ATP2B1: variants seen among roughly 807,000 people sequenced by gnomAD.
ATP2B1 encodes the protein ATPase plasma membrane Ca2+ transporting 1.
Under a neutral mutation model 124.2 loss-of-function variants are expected in ATP2B1, and 14 were observed. The ratio of observed to expected loss-of-function variants is 0.11; its 90% CI spans 0.07 to 0.18. ATP2B1 has a LOEUF of 0.18. Among genes scored for constraint, ATP2B1 ranks in the 10% least tolerant of loss-of-function variants. The pLI is 1.00. For missense variants in ATP2B1, 763 were observed against 1,466.1 expected, an observed-to-expected ratio of 0.52 and a Z score of 7.83; for synonymous variants, 449 against 492.4, an observed-to-expected ratio of 0.91 and a Z score of 1.17.
intron 20 of ATP2B1, among the ~76,000 whole-genome samples, chr12:89,595,819 C>G (rs1874473827): frequency 6.6e-6 from 1 of 152,020 alleles, no homozygotes; most frequent in South Asian, 2.1e-4. Context: ...GATTTACTCC[C>G]TGGATAACTC....
At chr12:89,674,100 G>A (rs961572768) in intron 1 of ATP2B1, among the ~76,000 whole-genome samples, 1 of 152,114 alleles carries the variant, frequency 6.6e-6, no homozygotes, top group Non-Finnish European at 1.5e-5. Flanking sequence ...TTATCTGCAT[G>A]GTAGGTGTTG....
chr12:89,690,650 GCTTT>G (rs769947334), intron 1 of ATP2B1, among the ~76,000 whole-genome samples: 14 of 150,994 alleles, frequency 9.3e-5, no homozygotes, highest in Non-Finnish European at 1.9e-4. Flanking sequence ...TGACATGAAT[GCTTT>G]CTAAGATCTT....
At chr12:89,656,187 C>T (rs1885931924) in intron 1 of ATP2B1, 80 bp from the exon 2 acceptor site, 7 of 400,596 alleles carry the variant, frequency 1.7e-5, no homozygotes, top group Non-Finnish European at 2.6e-5. Flanking sequence ...CTAAATGTCA[C>T]CAGGTAGCTA....
intron 1 of ATP2B1, among the ~76,000 whole-genome samples, chr12:89,708,350 C>T (rs1349236090): frequency 6.6e-6 from 1 of 152,196 alleles, no homozygotes; most frequent in Middle Eastern, 3.2e-3. Context: ...CAGCGACTCC[C>T]AGACTGACCC....
intron 6 of ATP2B1, among the ~76,000 whole-genome samples, chr12:89,628,085 G>A (rs1456036403): frequency 6.6e-6 from 1 of 152,048 alleles, no homozygotes; most frequent in African/African-American, 2.4e-5. Context: ...GGGGTAGAGA[G>A]GGAGGAGGAA....
intron 1 of ATP2B1, among the ~76,000 whole-genome samples, chr12:89,701,267 C>T (rs927698499): frequency 6.6e-6 from 1 of 152,184 alleles, no homozygotes; most frequent in African/African-American, 2.4e-5. Flanking sequence ...CTCAGCATTA[C>T]TCCACCCTTT....
intron 1 of ATP2B1, among the ~76,000 whole-genome samples, chr12:89,678,440 C>T (rs995331053): frequency 2.6e-5 from 4 of 152,092 alleles, no homozygotes; most frequent in African/African-American, 9.7e-5. Context: ...TGCTGTTATT[C>T]ATCTTATTTA....
At chr12:89,639,158 T>A (rs1480028978) in intron 3 of ATP2B1, among the ~76,000 whole-genome samples, 1 of 152,156 alleles carries the variant, frequency 6.6e-6, no homozygotes, top group Non-Finnish European at 1.5e-5. Context: ...CACACCTCAG[T>A]GTTGAGATGT....
At chr12:89,655,472 C>G in intron 2 of ATP2B1, 1 of 569,528 alleles carries the variant, frequency 1.8e-6, no homozygotes, top group East Asian at 3.0e-5. Flanking sequence ...TCCCGCCAAT[C>G]TAAAACATAT....
chr12:89,674,096 G>A (rs1268513168), intron 1 of ATP2B1, among the ~76,000 whole-genome samples: 4 of 152,152 alleles, frequency 2.6e-5, no homozygotes, highest in East Asian at 1.9e-4. Flanking sequence ...AGGCTTATCT[G>A]CATGGTAGGT....
intron 1 of ATP2B1, among the ~76,000 whole-genome samples, chr12:89,679,455 A>T (rs1889074374): frequency 6.6e-6 from 1 of 152,158 alleles, no homozygotes; most frequent in African/African-American, 2.4e-5. Context: ...CTTGATTTTA[A>T]AAAGCTCCTG....
intron 1 of ATP2B1, among the ~76,000 whole-genome samples, chr12:89,683,142 A>C (rs79293004): frequency 1.1e-4 from 16 of 152,360 alleles, no homozygotes; most frequent in Non-Finnish European, 2.1e-4. Context: ...CATTCACATT[A>C]ATGAAAGTTC....
At chr12:89,596,990 T>C (rs78874296) in intron 20 of ATP2B1, among the ~76,000 whole-genome samples, 84 of 152,308 alleles carry the variant, frequency 5.5e-4, no homozygotes, top group Non-Finnish European at 1.1e-3. Context: ...GCAATTTTTC[T>C]TGACTTTCCA....
intron 6 of ATP2B1, among the ~76,000 whole-genome samples, chr12:89,629,899 G>T (rs1881569753): frequency 6.6e-6 from 1 of 152,140 alleles, no homozygotes; most frequent in Non-Finnish European, 1.5e-5. Flanking sequence ...GATGTCTCTT[G>T]TGTATAACAG....
chr12:89,652,597 G>C (rs1885400472), intron 2 of ATP2B1, among the ~76,000 whole-genome samples: 1 of 152,086 alleles, frequency 6.6e-6, no homozygotes, highest in South Asian at 2.1e-4. Context: ...ACTCCTAATT[G>C]CTTACTCCTG....
At position 89,603,770 on chromosome 12, in the gene ATP2B1, C is replaced by T; in HGVS notation, c.2790G>A (p.Lys930=). The part of the protein sequence containing the change: ...NKPLISRTMM[K]NILGHAFYQL... ...GATAGAATGCATGACCCAAAATATT[C>T]TTCATCATTGTACGTGAGATGAGAG... Residue 930 remains lysine (K), a synonymous_variant, in exon 17 of 21, where the codon AAG becomes AAA. Transcript: ENST00000428670. The surrounding 1 kb of genome is among the most constrained non-coding windows in gnomAD (Gnocchi z 4.3). 6.2e-7 allele frequency: 1 copy of T among 1,614,166 alleles called. No homozygotes were observed. The highest frequency in any genetic ancestry group is 8.5e-7 in the Non-Finnish European group (1 of 1,180,012).
At chr12:89,696,995 T>G (rs1005893606) in intron 1 of ATP2B1, among the ~76,000 whole-genome samples, 8 of 151,774 alleles carry the variant, frequency 5.3e-5, no homozygotes, top group Non-Finnish European at 1.2e-4. Context: ...GTTTTGTTTT[T>G]TTTTTCACCC....
intron 12 of ATP2B1, chr12:89,611,622 GT>G (rs1878038909): frequency 3.0e-6 from 1 of 337,798 alleles, no homozygotes; most frequent in Non-Finnish European, 5.3e-6. Flanking sequence ...TTTGTTTGCA[GT>G]ATTTATTTAC....
At chr12:89,629,244 CACTT>C (rs762656125) in intron 6 of ATP2B1, among the ~76,000 whole-genome samples, 5 of 152,174 alleles carry the variant, frequency 3.3e-5, no homozygotes, top group Non-Finnish European at 4.4e-5. Flanking sequence ...TGTGACCTGT[CACTT>C]ACTAGCACTT....
Sources: gnomAD v4.1 joint callset for allele counts (sites outside exome capture counted in the v4.1 genomes callset) on GRCh38, gnomAD v4.1.1 for gene constraint, Gnocchi (gnomAD v3.1) non-coding constraint, MANE v1.5 for transcripts, NCBI Gene and HGNC (gene_info 2026-07-23, HGNC 2026-07-21) for gene names.